ABHD2: variants seen among roughly 807,000 people sequenced by gnomAD.
ABHD2 encodes monoacylglycerol lipase ABHD2.
ABHD2 carries 20 observed loss-of-function variants against 48.1 expected under a neutral mutation model. The ratio of observed to expected loss-of-function variants is 0.42; its 90% CI spans 0.29 to 0.60. The LOEUF (loss-of-function observed/expected upper bound fraction) is 0.60, where lower values mean the gene tolerates loss of function less well. Ranked by LOEUF, ABHD2 falls within the 20% of genes least tolerant of loss-of-function variation. The pLI, the probability that ABHD2 is intolerant of heterozygous loss-of-function variation, is 0.24. For synonymous variants in ABHD2, 209 were observed against 214.2 expected, an observed-to-expected ratio of 0.98 and a Z score of 0.21; for missense variants, 405 against 550.9, an observed-to-expected ratio of 0.74 and a Z score of 2.65.
rs1454927266 is a variant in ABHD2, at chr15:89,182,639, A to C, written c.723-2785A>C. On this transcript the variant is annotated intron_variant, in intron 6 of 10. Transcript: ENST00000352732. This position sits in a 1 kb window ranked among gnomAD's most constrained non-coding sequence, Gnocchi z 4.8. ...CCCCGTATTCTACTAAAAAAATACA[A>C]AAAATTATCTGGGCATGATGGCACA... Among the ~76,000 whole-genome samples the C allele has an allele frequency of 6.6e-6, 1 of 152,104 alleles. No individual in the cohort carries two copies. Among genetic ancestry groups the C allele is most frequent in the African/African-American group, 2.4e-5 (1 of 41,394 alleles).
Position 89,195,402 on chromosome 15 carries a change from G to T in ABHD2, c.1257G>T (p.Gln419His). 6.2e-7 allele frequency: 1 copy of T among 1,613,974 alleles called. No homozygotes were observed. The highest frequency in any genetic ancestry group is 2.2e-5 in the East Asian group (1 of 44,876). Residue 419 changes from glutamine to histidine, a missense_variant, in exon 11 of 11, where the codon CAG (glutamine) becomes CAT (histidine). Transcript: ENST00000352732. This position sits in a 1 kb window ranked among gnomAD's most constrained non-coding sequence, Gnocchi z 5.1. ...AGTTGCAGTGCTCTGACACGGAGCA[G>T]GTGGAGGCCGACCTGGAGTGAGGCC... is the stretch of plus-strand genomic sequence containing the variant. ...RNKLQCSDTEQVEADLE is the reference protein window; with the variant it reads ...RNKLQCSDTEHVEADLE
At position 89,193,327 on chromosome 15, in the gene ABHD2, T is replaced by C. The variant is rs6496562; in HGVS notation, c.1081+8T>C. ...TTCCAAAATCTCTTTCAGGTAAGTG[T>C]TTCTTCCTGCTGCCCTCTCAACAGC... On this transcript the variant is annotated splice_region_variant and intron_variant, in intron 10 of 10. Coordinates refer to ENST00000352732, the MANE Select transcript of ABHD2 (RefSeq NM_152924.5). 0.39 allele frequency: 631,412 copies of C among 1,608,870 alleles called. 126,995 individuals carry two copies. The highest frequency in any genetic ancestry group is 0.41 in the Non-Finnish European group (477,007 of 1,175,318).
chr15:89,149,321 A>G (rs1021615708), intron 3 of ABHD2, among the ~76,000 whole-genome samples: 1 of 152,164 alleles, frequency 6.6e-6, no homozygotes, highest in Non-Finnish European at 1.5e-5. Flanking sequence ...CCTAACGCCA[A>G]TCATGTAATA....
intron 3 of ABHD2, among the ~76,000 whole-genome samples, chr15:89,143,639 C>T (rs779219505): frequency 1.6e-4 from 24 of 151,400 alleles, no homozygotes; most frequent in Non-Finnish European, 2.9e-4. Flanking sequence ...GCTGAGATTG[C>T]GCCATTGCAC....
At chr15:89,152,791 G>C (rs549462992) in intron 4 of ABHD2, among the ~76,000 whole-genome samples, 6 of 152,240 alleles carry the variant, frequency 3.9e-5, no homozygotes, top group Admixed American at 3.9e-4. Flanking sequence ...GCATTGTTCT[G>C]TCTAGCCTAT....
chr15:89,069,505 G>A, the ABHD2 span, among the ~76,000 whole-genome samples: 31,662 of 151,580 alleles, frequency 0.21, 4,194 homozygotes, highest in African/African-American at 0.36. Context: ...ACCCTCGATC[G>A]AAAGTAACCA....
intron 6 of ABHD2, among the ~76,000 whole-genome samples, chr15:89,180,285 A>AT (rs886662145): frequency 8.1e-4 from 121 of 149,946 alleles, no homozygotes; most frequent in Non-Finnish European, 1.3e-3. Context: ...GTTGTTGTTA[A>AT]TTTTTTTTTT....
At chr15:89,045,987 A>G in the ABHD2 span, among the ~76,000 whole-genome samples, 1 of 152,140 alleles carries the variant, frequency 6.6e-6, no homozygotes, top group African/African-American at 2.4e-5. Flanking sequence ...TTTTCAAAGG[A>G]AATGCTTCCA....
intron 3 of ABHD2, among the ~76,000 whole-genome samples, chr15:89,124,350 T>C (rs1165006371): frequency 6.6e-6 from 1 of 152,170 alleles, no homozygotes; most frequent in East Asian, 1.9e-4. Context: ...GTTGTTGTTT[T>C]CTCAATCTTA....
rs35188439 is a variant in ABHD2, at chr15:89,147,350, C to CTTT, written c.195-4308_195-4306dup. On this transcript the variant is annotated intron_variant, in intron 3 of 10. Coordinates refer to ENST00000352732, the MANE Select transcript of ABHD2 (RefSeq NM_152924.5). ...GTTTATAATTGGGTATTGCATAGCT[C>CTTT]TTTTTTTTTTTTTTTTTTTTTGAGA... 8.7e-4 allele frequency among the ~76,000 whole-genome samples: 87 copies of CTTT among 100,316 alleles called. 3 individuals are homozygous for CTTT. Among genetic ancestry groups the CTTT allele is most frequent in the African/African-American group, 3.1e-3 (73 of 23,642 alleles). The allele number at this position is 100,316 out of a possible 152,430, so 65.8% of individuals were successfully genotyped here. A position where few individuals can be genotyped will look rare whatever the true frequency, so the allele number is the denominator to read the frequency against.
chr15:89,042,630 ATTTT>A, the ABHD2 span, among the ~76,000 whole-genome samples: 10 of 70,796 alleles, frequency 1.4e-4, no homozygotes, highest in African/African-American at 2.8e-4. Context: ...TTATTTATTT[ATTTT>A]GGAGACTTTT....
At position 89,182,862 on chromosome 15, in the gene ABHD2, C is replaced by T. The variant is rs1406476648; in HGVS notation, c.723-2562C>T. Among the ~76,000 whole-genome samples the T allele has an allele frequency of 6.6e-6, 1 of 152,160 alleles. No homozygotes were observed. Among genetic ancestry groups the T allele is most frequent in the East Asian group, 1.9e-4 (1 of 5,198 alleles). ...TTTGTGCAGTGTCTAGAGAGCTAAA[C>T]TCCCCTGGTTTCGTGCCCATTTTGT... On this transcript the variant is annotated intron_variant, in intron 6 of 10. Coordinates refer to ENST00000352732, the MANE Select transcript of ABHD2 (RefSeq NM_152924.5). This position sits in a 1 kb window ranked among gnomAD's most constrained non-coding sequence, Gnocchi z 4.8.
At chr15:89,058,171 A>G in the ABHD2 span, among the ~76,000 whole-genome samples, 1 of 152,142 alleles carries the variant, frequency 6.6e-6, no homozygotes, top group African/African-American at 2.4e-5. Flanking sequence ...TAGGATTTTC[A>G]GCCTCCTTGG....
At position 89,182,485 on chromosome 15, in the gene ABHD2, T is replaced by A. The variant is rs1384131595; in HGVS notation, c.723-2939T>A. Among the ~76,000 whole-genome samples the A allele has an allele frequency of 6.6e-6, 1 of 152,184 alleles. No homozygotes were observed. The highest frequency in any genetic ancestry group is 2.4e-5 in the African/African-American group (1 of 41,444). On this transcript the variant is annotated intron_variant, in intron 6 of 10. Transcript: ENST00000352732. This position sits in a 1 kb window ranked among gnomAD's most constrained non-coding sequence, Gnocchi z 4.8. ...GAGAACATAGCTATCTAGAGGCAAG[T>A]CAAGAACTTGGATATTCAGGCCAGG...
intron 3 of ABHD2, among the ~76,000 whole-genome samples, chr15:89,128,204 T>A (rs532193999): frequency 1.1e-4 from 16 of 152,334 alleles, no homozygotes; most frequent in African/African-American, 3.8e-4. Context: ...ATTCCTGTGG[T>A]GGCTTGACTG....
the ABHD2 span, among the ~76,000 whole-genome samples, chr15:89,081,967 C>T: frequency 2.0e-5 from 3 of 152,244 alleles, no homozygotes; most frequent in Admixed American, 2.0e-4. Context: ...TTGCTTCGGC[C>T]CACAAGGTTT....
rs1335040627 is a variant in ABHD2, at chr15:89,188,146, T to A, written c.816-47T>A. ...AAGGAAGCAGGCTATGCCATGGTTGTTCATCCTCCACATCTTAATCTCTGT... is the reference window on the plus strand; with the variant it reads ...AAGGAAGCAGGCTATGCCATGGTTGATCATCCTCCACATCTTAATCTCTGT... On this transcript the variant is annotated intron_variant, in intron 7 of 10. Transcript: ENST00000352732. This position sits in a 1 kb window ranked among gnomAD's most constrained non-coding sequence, Gnocchi z 4.1. 1 of 1,555,120 alleles carries A rather than the reference T, an allele frequency of 6.4e-7. No homozygotes were observed. Among genetic ancestry groups the A allele is most frequent in the East Asian group, 2.2e-5 (1 of 44,566 alleles).
chr15:89,160,956 A>C (rs2050753456), intron 5 of ABHD2, among the ~76,000 whole-genome samples: 1 of 152,190 alleles, frequency 6.6e-6, no homozygotes, highest in South Asian at 2.1e-4. Flanking sequence ...TTAATTTATA[A>C]ATTAATGTGG....
rs2051217866 is a variant in ABHD2 at position 89,186,779 on chromosome 15, A to T, written c.815+1263A>T. The stretch of plus-strand genomic sequence containing the variant: ...CTAGAAAAAGCAATCTGACTAAATG[A>T]TCAATTTCTTGTTCTCTTTTTTCCA... On this transcript the variant is annotated intron_variant, in intron 7 of 10. Transcript: ENST00000352732. The surrounding 1 kb of genome is among the most constrained non-coding windows in gnomAD (Gnocchi z 4.3). Among the ~76,000 whole-genome samples, 1 of 152,176 alleles carries T rather than the reference A, an allele frequency of 6.6e-6. No individual in the cohort carries two copies. The highest frequency in any genetic ancestry group is 1.5e-5 in the Non-Finnish European group (1 of 68,044).
Sources: gnomAD v4.1 joint callset for allele counts (sites outside exome capture counted in the v4.1 genomes callset) on GRCh38, gnomAD v4.1.1 for gene constraint, Gnocchi (gnomAD v3.1) non-coding constraint, MANE v1.5 for transcripts, NCBI Gene and HGNC (gene_info 2026-07-23, HGNC 2026-07-21) for gene names.